SLFN5: variants seen among roughly 807,000 people sequenced by gnomAD.
SLFN5 encodes the protein schlafen family member 5.
In SLFN5, 34 loss-of-function variants were observed where a neutral mutation model predicts 48.5. The observed-to-expected ratio is 0.70, with a 90% CI of 0.53 to 0.93. SLFN5 has a LOEUF of 0.93. SLFN5 is among the 40% of genes least tolerant of loss of function. SLFN5 has a pLI of 0.00. For missense variants in SLFN5, 1,006 were observed against 1,071.3 expected, an observed-to-expected ratio of 0.94 and a Z score of 0.85; for synonymous variants, 387 against 396.2, an observed-to-expected ratio of 0.98 and a Z score of 0.28.
At chr17:35,245,147 TAAAG>T (rs931598438) in intron 1 of SLFN5, among the ~76,000 whole-genome samples, 2 of 152,206 alleles carry the variant, frequency 1.3e-5, no homozygotes, top group Non-Finnish European at 2.9e-5. Flanking sequence ...CTGTTTCACT[TAAAG>T]AAAGCACTTA....
chr17:35,259,193 TA>T lies in SLFN5; in HGVS notation c.506del (p.Asn169MetfsTer30). 6.2e-7 allele frequency: 1 copy of T among 1,614,142 alleles called. No individual in the cohort carries two copies. Among genetic ancestry groups the T allele is most frequent in the Non-Finnish European group, 8.5e-7 (1 of 1,180,044 alleles). ...AQGSVQYEGNINVSAAALFDR... is the reference protein window; with the variant it reads ...AQGSVQYEGNXNVSAAALFDR... The stretch of plus-strand genomic sequence containing the variant: ...GGTAGTGTACAATATGAAGGTAACA[TA>T]AATGTGTCAGCTGCTGCTTTATTTG... On this transcript the variant is annotated frameshift_variant, in exon 2 of 5. Coordinates refer to ENST00000299977, the MANE Select transcript of SLFN5 (RefSeq NM_144975.4). LOFTEE classifies it high-confidence loss of function.
At chr17:35,261,401 G>A (rs1387322866) in intron 3 of SLFN5, among the ~76,000 whole-genome samples, 6 of 152,116 alleles carry the variant, frequency 3.9e-5, no homozygotes, top group Admixed American at 3.9e-4. Context: ...TGGGCACAGT[G>A]GCTCATACCT....
rs140575984 is a variant in SLFN5, at chr17:35,251,169, G to A, written c.-40-7482G>A. Among the ~76,000 whole-genome samples, 8 of 152,288 alleles carry A rather than the reference G, an allele frequency of 5.3e-5. No individual in the cohort carries two copies. The East Asian group carries it at 1.5e-3, about 29-fold the overall frequency. The stretch of plus-strand genomic sequence containing the variant: ...AGAAAGCCATTTTGTCTATTTGTGC[G>A]AGAGCGATGTAGAGAAGCCCTTGGG... On this transcript the variant is annotated intron_variant, in intron 1 of 4. Transcript: ENST00000299977.
chr17:35,244,261 A>G (rs192373952), intron 1 of SLFN5, among the ~76,000 whole-genome samples: 29 of 152,284 alleles, frequency 1.9e-4, no homozygotes, highest in Admixed American at 1.6e-3. Flanking sequence ...TTTCATCACT[A>G]AAAATGTTGG....
At position 35,264,341 on chromosome 17, in the gene SLFN5, G is replaced by A; in HGVS notation, c.1297G>A (p.Glu433Lys). 7 of 1,614,204 alleles carry A rather than the reference G, an allele frequency of 4.3e-6. No homozygotes were observed. The highest frequency in any genetic ancestry group is 5.1e-6 in the Non-Finnish European group (6 of 1,180,040). ...CTGGGCTGTGGATTTAGGTCTGCAAGAGAAGCAGGGAGTCATCTGTGATGC... is the reference window on the plus strand; with the variant it reads ...CTGGGCTGTGGATTTAGGTCTGCAAAAGAAGCAGGGAGTCATCTGTGATGC... ...QSWAVDLGLQ[E>K]KQGVICDALL... The change falls in exon 4 of 5, where the codon GAG (glutamate) becomes AAG (lysine). Residue 433 changes from glutamate to lysine, a missense_variant. By Grantham distance (56) the Glu-to-Lys change is moderately conservative (BLOSUM62 1). Coordinates refer to ENST00000299977, the MANE Select transcript of SLFN5 (RefSeq NM_144975.4).
intron 3 of SLFN5, 96 bp downstream of exon 3, chr17:35,261,192 G>A: frequency 7.3e-7 from 1 of 1,375,912 alleles, no homozygotes; most frequent in South Asian, 1.7e-5. Context: ...ATCAATTCCA[G>A]AGGTTTAAGG....
Position 35,258,977 on chromosome 17 carries a change from T to G in SLFN5, c.287T>G (p.Leu96Trp). ...AAGATGCAGAAGGAAAACCACTTTT[T>G]GATTTTTGTGAAATCATGGAACACA... ...LDKMQKENHFLIFVKSWNTEA... is the reference protein window; with the variant it reads ...LDKMQKENHFWIFVKSWNTEA... Residue 96 changes from leucine to tryptophan, a missense_variant, in exon 2 of 5, where the codon TTG becomes TGG. Transcript: ENST00000299977. The G allele has an allele frequency of 6.2e-7, 1 of 1,614,246 alleles. No individual in the cohort carries two copies. The highest frequency in any genetic ancestry group is 8.5e-7 in the Non-Finnish European group (1 of 1,180,050).
chr17:35,272,346 C>T lies in SLFN5; in HGVS notation c.*6458C>T, dbSNP rs554289138. 37 of 151,990 alleles carry T rather than the reference C, an allele frequency of 2.4e-4. No homozygotes were observed. Among genetic ancestry groups the T allele is most frequent in the Non-Finnish European group, 5.0e-4 (34 of 67,978 alleles). The allele number at this position is 151,990 out of a possible 1,614,324, so 9.4% of individuals were successfully genotyped here. ...TATGATGAACAACTCTGTCACCCAG[C>T]TAAAAAAAATTAAGCTTGGGCCATA... On this transcript the variant is annotated 3_prime_UTR_variant, in exon 5 of 5. Transcript: ENST00000299977.
chr17:35,262,161 A>C (rs927691676), intron 3 of SLFN5, among the ~76,000 whole-genome samples: 1 of 152,096 alleles, frequency 6.6e-6, no homozygotes, highest in East Asian at 1.9e-4. Context: ...CAGGCGGATC[A>C]CAAGGTCAAG....
chr17:35,264,881 C>A lies in SLFN5; in HGVS notation c.1837C>A (p.Gln613Lys), dbSNP rs887636826. 27 of 1,565,798 alleles carry A rather than the reference C, an allele frequency of 1.7e-5. No homozygotes were observed. Among genetic ancestry groups the A allele is most frequent in the Non-Finnish European group, 2.3e-5 (27 of 1,162,490 alleles). The change falls in exon 4 of 5, where the codon CAG becomes AAG. Residue 613 changes from glutamine to lysine, a missense_variant. Gln to Lys is a moderately conservative substitution (Grantham distance 53). Coordinates refer to ENST00000299977, the MANE Select transcript of SLFN5 (RefSeq NM_144975.4). Reference sequence around the variant, plus strand: ...TAACATTCTCTACATCTGTGAAAACCAGCCCCTGAAGAAGTTGGTGAGGTA... The same window carrying A: ...TAACATTCTCTACATCTGTGAAAACAAGCCCCTGAAGAAGTTGGTGAGGTA... ...PANILYICEN[Q>K]PLKKLVSFSK...
intron 4 of SLFN5, 46 bp from the exon 5 acceptor site, chr17:35,265,026 G>T (rs768815723): frequency 2.6e-6 from 4 of 1,565,224 alleles, no homozygotes; most frequent in East Asian, 2.3e-5. Context: ...AGTAGAATCT[G>T]CTTTCTTTGT....
At chr17:35,247,025 C>T (rs1271382620) in intron 1 of SLFN5, among the ~76,000 whole-genome samples, 1 of 147,596 alleles carries the variant, frequency 6.8e-6, no homozygotes, top group Non-Finnish European at 1.5e-5. Flanking sequence ...GAACTCTGAC[C>T]CAGAACTGCT....
chr17:35,257,000 A>G (rs1405655529), intron 1 of SLFN5, among the ~76,000 whole-genome samples: 1 of 152,132 alleles, frequency 6.6e-6, no homozygotes, highest in African/African-American at 2.4e-5. Context: ...TGAACTGTGC[A>G]TGTGAGGGAT....
chr17:35,259,603 G>GT lies in SLFN5; in HGVS notation c.914dup (p.Phe306ValfsTer6). 3.1e-6 allele frequency: 5 copies of GT among 1,610,526 alleles called. No individual in the cohort carries two copies. Among genetic ancestry groups the GT allele is most frequent in the Non-Finnish European group, 4.2e-6 (5 of 1,179,984 alleles). Reference sequence around the variant, plus strand: ...CAAGGTGGAGAAATTCTGCTGTGCGGTGTTTGCCAAAGTGCCTAGTTCCTG... The same window carrying GT: ...CAAGGTGGAGAAATTCTGCTGTGCGGTTGTTTGCCAAAGTGCCTAGTTCCTG... On this transcript the variant is annotated frameshift_variant, in exon 2 of 5. Transcript: ENST00000299977. LOFTEE classifies it high-confidence loss of function.
rs1384483380 is a variant in SLFN5 at position 35,254,687 on chromosome 17, C to G, written c.-40-3964C>G. Reference sequence around the variant, plus strand: ...CTTCCCTGCTCAAGTTTTCAGTGCACTTGGCATTCCTTCTGCGTACATGTT... The same window carrying G: ...CTTCCCTGCTCAAGTTTTCAGTGCAGTTGGCATTCCTTCTGCGTACATGTT... On this transcript the variant is annotated intron_variant, in intron 1 of 4. Coordinates refer to ENST00000299977, the MANE Select transcript of SLFN5 (RefSeq NM_144975.4). Among the ~76,000 whole-genome samples, 4 of 152,130 alleles carry G rather than the reference C, an allele frequency of 2.6e-5. No individual in the cohort carries two copies. The South Asian group carries it at 8.3e-4, about 32-fold the overall frequency.
intron 1 of SLFN5, among the ~76,000 whole-genome samples, chr17:35,250,813 G>A (rs2092440696): frequency 6.6e-6 from 1 of 152,148 alleles, no homozygotes; most frequent in Non-Finnish European, 1.5e-5. Flanking sequence ...TAGTAGAGAA[G>A]GGACATAAAA....
At chr17:35,254,096 A>T (rs900145763) in intron 1 of SLFN5, among the ~76,000 whole-genome samples, 4 of 152,248 alleles carry the variant, frequency 2.6e-5, no homozygotes, top group African/African-American at 9.6e-5. Context: ...AGTTTATATT[A>T]TCATGACTAG....
chr17:35,255,425 G>T (rs2092451964), intron 1 of SLFN5, among the ~76,000 whole-genome samples: 1 of 152,250 alleles, frequency 6.6e-6, no homozygotes, highest in African/African-American at 2.4e-5. Context: ...TCTGCTTTTA[G>T]AAAATGACTA....
intron 1 of SLFN5, among the ~76,000 whole-genome samples, chr17:35,248,760 C>G (rs1467308714): frequency 1.3e-5 from 2 of 152,030 alleles, no homozygotes; most frequent in East Asian, 3.8e-4. Context: ...TTCCCTAAAC[C>G]CAGCAAGACT....
Sources: gnomAD v4.1 joint callset for allele counts (sites outside exome capture counted in the v4.1 genomes callset) on GRCh38, gnomAD v4.1.1 for gene constraint, MANE v1.5 for transcripts, NCBI Gene and HGNC (gene_info 2026-07-23, HGNC 2026-07-21) for gene names.